Variants in DACT1 observed in about 807,000 individuals in gnomAD.
DACT1 encodes dapper homolog 1.
Under a neutral mutation model 35.3 loss-of-function variants are expected in DACT1, and 19 were observed. The ratio of observed to expected loss-of-function variants is 0.54; its 90% CI spans 0.38 to 0.79. The LOEUF (loss-of-function observed/expected upper bound fraction) is 0.79, where lower values mean the gene tolerates loss of function less well. DACT1 is among the 30% of genes least tolerant of loss of function. The pLI is 0.00. For synonymous variants in DACT1, 545 were observed against 466.7 expected (o/e 1.17, Z -2.16); for missense variants, 1,143 against 1,057.5 (o/e 1.08, Z -1.12).
At chr14:58,644,748 G>A (rs2047656738) in intron 3 of DACT1, among the ~76,000 whole-genome samples, 1 of 152,184 alleles carries the variant, frequency 6.6e-6, no homozygotes, top group South Asian at 2.1e-4. Context: ...ATAGAACAGA[G>A]GGGAGAGCAG....
Position 58,638,192 on chromosome 14 carries a change from G to A in DACT1, c.-11G>A, listed in dbSNP as rs887079061. ...GCTGCGGTGACGGCTCTCGCTGCCCGACTGGGGGCCATGAAGCCGAGTCCG... is the reference window on the plus strand; with the variant it reads ...GCTGCGGTGACGGCTCTCGCTGCCCAACTGGGGGCCATGAAGCCGAGTCCG... On this transcript the variant is annotated 5_prime_UTR_variant, in exon 1 of 4. Transcript: ENST00000395153. 1.8e-5 allele frequency: 23 copies of A among 1,309,188 alleles called. No homozygotes were observed. Among genetic ancestry groups the A allele is most frequent in the South Asian group, 2.1e-5 (1 of 48,242 alleles). The allele number at this position is 1,309,188 out of a possible 1,614,324, so 81.1% of individuals were successfully genotyped here. A position where few individuals can be genotyped will look rare whatever the true frequency, so the allele number is the denominator to read the frequency against.
upstream of DACT1, among the ~76,000 whole-genome samples, chr14:58,635,229 G>A (rs1299270211): frequency 1.3e-5 from 2 of 152,200 alleles, no homozygotes; most frequent in Non-Finnish European, 2.9e-5. Context: ...AGCAGTAGGC[G>A]ATCACTTTCA....
upstream of DACT1, among the ~76,000 whole-genome samples, chr14:58,637,116 G>A (rs570421118): frequency 3.9e-5 from 6 of 152,334 alleles, no homozygotes; most frequent in South Asian, 1.2e-3. Context: ...TAAGTTGCCC[G>A]CACAGCTATT....
In DACT1 at chr14:58,645,944, T is replaced by C. The variant is rs1224284492; in HGVS notation, c.1210T>C (p.Ser404Pro). 2 of 1,613,948 alleles carry C rather than the reference T, an allele frequency of 1.2e-6. No individual in the cohort carries two copies. The highest frequency in any genetic ancestry group is 1.7e-5 in the Admixed American group (1 of 60,030). ...KRVPLPEGCP[S>P]GAASDLQSKH... Reference sequence around the variant, plus strand: ...GGTGCCCCTGCCAGAGGGCTGCCCCTCAGGCGCTGCCTCCGACCTTCAGAG... The same window carrying C: ...GGTGCCCCTGCCAGAGGGCTGCCCCCCAGGCGCTGCCTCCGACCTTCAGAG... Residue 404 changes from serine (S) to proline (P), a missense_variant, in exon 4 of 4, where the codon TCA becomes CCA. By Grantham distance (74) the Ser-to-Pro change is moderately conservative. Around this residue, in one of 3 missense-constraint regions of DACT1, gnomAD observed 1,054 missense variants for 958.8 expected, o/e 1.10. Coordinates refer to ENST00000395153, the MANE Select transcript of DACT1 (RefSeq NM_001079520.2).
intron 3 of DACT1, among the ~76,000 whole-genome samples, chr14:58,642,647 T>C (rs1346128107): frequency 1.3e-5 from 2 of 152,066 alleles, no homozygotes; most frequent in South Asian, 2.1e-4. Flanking sequence ...TGAGCCGAGA[T>C]TGTGCCACTG....
chr14:58,636,444 A>G (rs762121160), upstream of DACT1, among the ~76,000 whole-genome samples: 1 of 152,216 alleles, frequency 6.6e-6, no homozygotes, highest in African/African-American at 2.4e-5. Flanking sequence ...GGAAGCTTTC[A>G]TAATGTAGAT....
Position 58,638,418 on chromosome 14 carries a change from C to T in DACT1, c.216C>T (p.Ala72=), listed in dbSNP as rs769486207. The change falls in exon 1 of 4, where the codon GCC becomes GCT. Residue 72 remains alanine, a synonymous_variant. Transcript: ENST00000395153. ...RQRQELLVRG[A]LRGAGGAGAA... ...GCCAAGAGCTGCTGGTCAGGGGCGC[C>T]CTGCGCGGCGCCGGGGGTGCGGGAG... is the stretch of plus-strand genomic sequence containing the variant. 16 of 1,312,438 alleles carry T rather than the reference C, an allele frequency of 1.2e-5. No homozygotes were observed. The highest frequency in any genetic ancestry group is 5.8e-6 in the Non-Finnish European group (6 of 1,029,466). The allele number at this position is 1,312,438 out of a possible 1,614,324, so 81.3% of individuals were successfully genotyped here.
intron 3 of DACT1, among the ~76,000 whole-genome samples, chr14:58,644,471 G>A (rs1308399300): frequency 2.0e-5 from 3 of 152,140 alleles, no homozygotes; most frequent in African/African-American, 4.8e-5. Flanking sequence ...GGGCCTAAGC[G>A]ATCCTCTGGC....
Position 58,646,251 on chromosome 14 carries a change from A to G in DACT1, c.1517A>G (p.Glu506Gly), listed in dbSNP as rs2047679800. The G allele has an allele frequency of 1.2e-6, 2 of 1,613,872 alleles. No homozygotes were observed. Among genetic ancestry groups the G allele is most frequent in the Non-Finnish European group, 1.7e-6 (2 of 1,179,968 alleles). ...AGGCCTGCCTTGGATTTCAAGAGCG[A>G]GGGCTCTTCCCAAAGCCTGGAGGAA... Reference protein sequence around the residue: ...EERPALDFKSEGSSQSLEEAH... With the variant: ...EERPALDFKSGGSSQSLEEAH... The change falls in exon 4 of 4, where the codon GAG becomes GGG. Residue 506 changes from glutamate to glycine, a missense_variant. By Grantham distance (98) the Glu-to-Gly change is moderately conservative (BLOSUM62 -2). Coordinates refer to ENST00000395153, the MANE Select transcript of DACT1 (RefSeq NM_001079520.2).
rs563921752 is a variant in DACT1 at position 58,638,803 on chromosome 14, G to A, written c.345+256G>A. 5.1e-5 allele frequency: 60 copies of A among 1,176,114 alleles called. No individual in the cohort carries two copies. The Admixed American group carries it at 1.1e-3, about 21-fold the overall frequency. The allele number at this position is 1,176,114 out of a possible 1,614,324, so 72.9% of individuals were successfully genotyped here. On this transcript the variant is annotated intron_variant, in intron 1 of 3. Transcript: ENST00000395153. Reference sequence around the variant, plus strand: ...CGCGGATTGCGGGAAGGGGGTGGCCGCTCTTCCCTCCTCCTCTGCCTTCGG... The same window carrying A: ...CGCGGATTGCGGGAAGGGGGTGGCCACTCTTCCCTCCTCCTCTGCCTTCGG...
intron 3 of DACT1, among the ~76,000 whole-genome samples, chr14:58,643,537 G>T (rs770649080): frequency 1.3e-5 from 2 of 152,072 alleles, no homozygotes; most frequent in Non-Finnish European, 2.9e-5. Flanking sequence ...TTATCTAGAG[G>T]GTCTGGGCCT....
At chr14:58,636,622 G>A (rs955674164), upstream of DACT1, among the ~76,000 whole-genome samples, 1 of 151,844 alleles carries the variant, frequency 6.6e-6, no homozygotes, top group African/African-American at 2.4e-5. Context: ...GGAAAGAAGA[G>A]GAATTCCTAG....
chr14:58,645,972 A>C lies in DACT1; in HGVS notation c.1238A>C (p.Lys413Thr). Reference protein sequence around the residue: ...PSGAASDLQSKHLPKTAKPAS... With the variant: ...PSGAASDLQSTHLPKTAKPAS... ...GGCGCTGCCTCCGACCTTCAGAGTA[A>C]GCACCTGCCAAAAACGGCCAAGCCA... Residue 413 changes from lysine to threonine, a missense_variant, in exon 4 of 4, where the codon AAG becomes ACG. Lys to Thr is a moderately conservative substitution (Grantham distance 78, BLOSUM62 -1). This residue lies in a region of DACT1 where 1,054 missense variants were observed against 958.8 expected (regional missense o/e 1.10). Transcript: ENST00000395153. 1 of 1,613,844 alleles carries C rather than the reference A, an allele frequency of 6.2e-7. No individual in the cohort carries two copies. The highest frequency in any genetic ancestry group is 8.5e-7 in the Non-Finnish European group (1 of 1,180,028).
upstream of DACT1, among the ~76,000 whole-genome samples, chr14:58,636,335 TTCTCGAG>T (rs1365938664): frequency 6.6e-6 from 1 of 152,228 alleles, no homozygotes; most frequent in East Asian, 1.9e-4. Context: ...CCAATCTACA[TTCTCGAG>T]TCTCTCTCTA....
chr14:58,644,651 T>C (rs2047656071), intron 3 of DACT1, among the ~76,000 whole-genome samples: 1 of 152,130 alleles, frequency 6.6e-6, no homozygotes, highest in South Asian at 2.1e-4. Flanking sequence ...TATATTTGAA[T>C]GGATGTCATT....
chr14:58,646,008 A>G lies in DACT1; in HGVS notation c.1274A>G (p.Glu425Gly). 1.9e-6 allele frequency: 3 copies of G among 1,614,122 alleles called. No homozygotes were observed. The highest frequency in any genetic ancestry group is 2.5e-6 in the Non-Finnish European group (3 of 1,180,028). The stretch of plus-strand genomic sequence containing the variant: ...AAAACGGCCAAGCCAGCCTCGCAAG[A>G]ACATGCTCGGTGTTCCGCCATTGGG... ...LPKTAKPASQ[E>G]HARCSAIGTG... The change falls in exon 4 of 4, where the codon GAA (glutamate) becomes GGA (glycine). Residue 425 changes from glutamate to glycine, a missense_variant. By Grantham distance (98) the Glu-to-Gly change is moderately conservative. This residue lies in a region of DACT1 where 1,054 missense variants were observed against 958.8 expected (regional missense o/e 1.10). Transcript: ENST00000395153.
upstream of DACT1, among the ~76,000 whole-genome samples, chr14:58,637,469 C>T (rs1418429159): frequency 6.6e-6 from 1 of 152,238 alleles, no homozygotes; most frequent in Non-Finnish European, 1.5e-5. Flanking sequence ...ACTTGCAATA[C>T]CTTGCTTGGG....
chr14:58,639,998 A>C (rs1296209875), intron 1 of DACT1, among the ~76,000 whole-genome samples: 1 of 152,230 alleles, frequency 6.6e-6, no homozygotes, highest in African/African-American at 2.4e-5. Flanking sequence ...GTCAGTATTT[A>C]TGGTACTATT....
chr14:58,647,128 G>T lies in DACT1; in HGVS notation c.2394G>T (p.Thr798=). 6.2e-7 allele frequency: 1 copy of T among 1,613,290 alleles called. No homozygotes were observed. Among genetic ancestry groups the T allele is most frequent in the Non-Finnish European group, 8.5e-7 (1 of 1,179,862 alleles). ...FRSGSLKLMT[T]V is the part of the protein sequence containing the mutation. ...CTGGCTCTTTGAAACTGATGACGACGGTTTGAGTGACATCATTGGTGTAGA... is the reference window on the plus strand; with the variant it reads ...CTGGCTCTTTGAAACTGATGACGACTGTTTGAGTGACATCATTGGTGTAGA... The change falls in exon 4 of 4, where the codon ACG becomes ACT. Residue 798 remains threonine, a synonymous_variant. Coordinates refer to ENST00000395153, the MANE Select transcript of DACT1 (RefSeq NM_001079520.2).
Sources: gnomAD v4.1 joint callset for allele counts (sites outside exome capture counted in the v4.1 genomes callset) on GRCh38, gnomAD v4.1.1 for gene constraint, gnomAD v4.1.1 regional missense constraint, MANE v1.5 for transcripts, NCBI Gene and HGNC (gene_info 2026-07-23, HGNC 2026-07-21) for gene names.